METTL15: variants seen among roughly 807,000 people sequenced by gnomAD.
METTL15 encodes the protein methyltransferase 15, mitochondrial 12S rRNA N4-cytidine, also known as 12S rRNA N(4)-cytidine methyltransferase METTL15.
A neutral mutation model predicts 38.3 loss-of-function variants in METTL15; 34 were observed. That is an observed-to-expected ratio of 0.89 (90% CI 0.68 to 1.18). The LOEUF is 1.18. Among genes scored for constraint, METTL15 ranks in the 50% most tolerant of loss-of-function variants. The probability of loss-of-function intolerance (pLI) is 0.00; values close to 1 mark genes in which losing one functional copy is unlikely to be tolerated. For missense variants in METTL15, 438 were observed against 498.4 expected (o/e 0.88, Z 1.15); for synonymous variants, 162 against 170.9 (o/e 0.95, Z 0.41).
chr11:28,295,065 A>G (rs1019004751), intron 5 of METTL15, among the ~76,000 whole-genome samples: 3 of 152,110 alleles, frequency 2.0e-5, no homozygotes, highest in African/African-American at 7.2e-5. Context: ...TGAATTCACA[A>G]ATAGGTCAGT....
chr11:28,478,367 G>A (rs1304231959), intron 6 of METTL15, among the ~76,000 whole-genome samples: 4 of 152,034 alleles, frequency 2.6e-5, no homozygotes, highest in Non-Finnish European at 5.9e-5. Context: ...CCATGATTTC[G>A]TGCCTTTAAA....
chr11:28,120,722 T>C (rs557804499), intron 3 of METTL15, among the ~76,000 whole-genome samples: 1 of 152,274 alleles, frequency 6.6e-6, no homozygotes, highest in East Asian at 1.9e-4. Context: ...GCCCTTATAC[T>C]TGCCCTTTTC....
intron 5 of METTL15, among the ~76,000 whole-genome samples, chr11:28,292,854 CTTCTT>C (rs1856574788): frequency 6.6e-6 from 1 of 152,162 alleles, no homozygotes; most frequent in South Asian, 2.1e-4. Context: ...GCATAACTGT[CTTCTT>C]TTGAGAAGTG....
chr11:28,406,197 G>A (rs1012366113), intron 5 of METTL15, among the ~76,000 whole-genome samples: 1 of 151,958 alleles, frequency 6.6e-6, no homozygotes, highest in Admixed American at 6.6e-5. Context: ...ATTACTTTGG[G>A]CAGTATGGCC....
At chr11:28,528,367 A>T (rs1037103689), downstream of METTL15, among the ~76,000 whole-genome samples, 1 of 152,242 alleles carries the variant, frequency 6.6e-6, no homozygotes, top group African/African-American at 2.4e-5. Context: ...GGACTGTCCA[A>T]ACATAATAAA....
intron 4 of METTL15, among the ~76,000 whole-genome samples, chr11:28,252,086 C>T (rs942765121): frequency 4.6e-5 from 7 of 152,102 alleles, no homozygotes; most frequent in African/African-American, 1.7e-4. Context: ...TTATTTGGCA[C>T]CAACGATGTG....
chr11:28,472,042 T>A (rs1292688025), intron 6 of METTL15, among the ~76,000 whole-genome samples: 1 of 152,168 alleles, frequency 6.6e-6, no homozygotes, highest in African/African-American at 2.4e-5. Context: ...TTCCTGCTAG[T>A]CACAGGTTTG....
chr11:28,234,627 C>T (rs1379908952), intron 4 of METTL15, among the ~76,000 whole-genome samples: 3 of 150,470 alleles, frequency 2.0e-5, no homozygotes, highest in African/African-American at 7.3e-5. Context: ...CTGTTCATGT[C>T]CTTCACCCAC....
chr11:28,171,566 T>A (rs1374406899), intron 3 of METTL15, among the ~76,000 whole-genome samples: 1 of 152,166 alleles, frequency 6.6e-6, no homozygotes, highest in Non-Finnish European at 1.5e-5. Context: ...ATGAACAGTT[T>A]TCTAAACATT....
chr11:28,489,683 G>A (rs943526207), intron 6 of METTL15, among the ~76,000 whole-genome samples: 6 of 151,998 alleles, frequency 3.9e-5, no homozygotes, highest in African/African-American at 1.2e-4. Flanking sequence ...AGCAATTAAG[G>A]TGCACACTGG....
At chr11:28,292,709 C>T (rs1354559327) in intron 5 of METTL15, among the ~76,000 whole-genome samples, 2 of 152,150 alleles carry the variant, frequency 1.3e-5, no homozygotes, top group African/African-American at 4.8e-5. Context: ...TCCACATCCT[C>T]TCCAGCGCCT....
chr11:28,217,705 G>A (rs1004634287), intron 4 of METTL15, among the ~76,000 whole-genome samples: 2 of 152,156 alleles, frequency 1.3e-5, no homozygotes, highest in Non-Finnish European at 2.9e-5. Context: ...TACCATTTAA[G>A]TCTTTAATCC....
At chr11:28,432,231 G>A (rs1380194719) in intron 6 of METTL15, among the ~76,000 whole-genome samples, 2 of 152,182 alleles carry the variant, frequency 1.3e-5, no homozygotes, top group African/African-American at 2.4e-5. Flanking sequence ...CATTGAGCTG[G>A]AAAAGAAAAG....
intron 6 of METTL15, among the ~76,000 whole-genome samples, chr11:28,309,209 T>G (rs964743364): frequency 6.6e-6 from 1 of 152,236 alleles, no homozygotes; most frequent in Non-Finnish European, 1.5e-5. Context: ...TACAGTAATA[T>G]CTGGCTTCCA....
chr11:28,231,675 T>C (rs1481710689), intron 4 of METTL15, among the ~76,000 whole-genome samples: 2 of 151,880 alleles, frequency 1.3e-5, no homozygotes. Flanking sequence ...GTGTCATACC[T>C]CTCTTCATGT....
chr11:28,292,475 C>T (rs1050439459), intron 5 of METTL15, among the ~76,000 whole-genome samples: 3 of 152,046 alleles, frequency 2.0e-5, no homozygotes, highest in East Asian at 3.9e-4. Context: ...ACATTTGGGT[C>T]AGTTCCAAGT....
At chr11:28,238,680 A>C (rs1469470622) in intron 4 of METTL15, among the ~76,000 whole-genome samples, 1 of 152,156 alleles carries the variant, frequency 6.6e-6, no homozygotes, top group Non-Finnish European at 1.5e-5. Context: ...GAAATGCAGA[A>C]ATCACCCGTC....
In METTL15 at chr11:28,483,984, T is replaced by C. The variant is rs546261269; in HGVS notation, c.*425-42494T>C. 1.1e-4 allele frequency among the ~76,000 whole-genome samples: 16 copies of C among 152,282 alleles called. 1 individual carries two copies. In the South Asian group the frequency reaches 3.3e-3, roughly 32 times the overall value. On this transcript the variant is annotated intron_variant and NMD_transcript_variant, in intron 6 of 7. Transcript: ENST00000532947. ...AAAATAGAGAGTGAGATGGTAGGAC[T>C]GAGAACTTGAGTAAAAACAAGATTC...
intron 3 of METTL15, among the ~76,000 whole-genome samples, chr11:28,131,377 G>A (rs770630378): frequency 5.3e-5 from 8 of 152,122 alleles, no homozygotes; most frequent in Non-Finnish European, 1.0e-4. Context: ...TTACCTGGTA[G>A]CCTGGTTATG....
Sources: gnomAD v4.1 joint callset for allele counts (sites outside exome capture counted in the v4.1 genomes callset) on GRCh38, gnomAD v4.1.1 for gene constraint, MANE v1.5 for transcripts, NCBI Gene and HGNC (gene_info 2026-07-23, HGNC 2026-07-21) for gene names.